The following CLPTM1L variants were observed in gnomAD, a reference collection of about 807,000 sequenced individuals.
The protein encoded by CLPTM1L is CLPTM1 like, also known as lipid scramblase CLPTM1L.
CLPTM1L carries 38 observed loss-of-function variants against 70.9 expected under a neutral mutation model. That is an observed-to-expected ratio of 0.54 (90% CI 0.41 to 0.70). CLPTM1L has a LOEUF of 0.70. CLPTM1L is among the 30% of genes least tolerant of loss of function. The pLI is 0.00. For synonymous variants in CLPTM1L, 339 were observed against 299.9 expected (o/e 1.13, Z -1.35); for missense variants, 652 against 705.9 (o/e 0.92, Z 0.87).
Position 1,324,816 on chromosome 5 carries a change from G to A in CLPTM1L, c.1147-3C>T, listed in dbSNP as rs1445669979. The A allele has an allele frequency of 6.2e-7, 1 of 1,613,568 alleles. No homozygotes were observed. The highest frequency in any genetic ancestry group is 2.2e-5 in the East Asian group (1 of 44,886). The stretch of plus-strand genomic sequence containing the variant: ...TCAGATTCGCTGTAAGTGCCAAACT[G>A]TTGTGAAATTCAACACAGTGATATT... On this transcript the variant is annotated splice_polypyrimidine_tract_variant and splice_region_variant and intron_variant, in intron 10 of 16. Coordinates refer to ENST00000320895, the MANE Select transcript of CLPTM1L (RefSeq NM_030782.5).
At chr5:1,338,384 G>C in intron 4 of CLPTM1L, 1 of 284,694 alleles carries the variant, frequency 3.5e-6, no homozygotes, top group Non-Finnish European at 6.6e-6. Flanking sequence ...AGCCACCTGG[G>C]AGGCGGAGCT....
chr5:1,338,366 T>A (rs774898899), intron 4 of CLPTM1L: 11 of 290,356 alleles, frequency 3.8e-5, no homozygotes, highest in Non-Finnish European at 7.2e-5. Context: ...GAAGGGCGAG[T>A]CACCTGCAGC....
rs1752337366 is a variant in CLPTM1L at position 1,323,835 on chromosome 5, A to G, written c.1232T>C (p.Leu411Pro). ...MKYLSYLLYPLCVGGAVYSLL... is the reference protein window; with the variant it reads ...MKYLSYLLYPPCVGGAVYSLL... ...TGAATAGACAGCACCCCCGACACAG[A>G]GAGGGTACAGCAGGTATGACAAGTA... Residue 411 changes from leucine to proline, a missense_variant, in exon 12 of 17, where the codon CTC becomes CCC. Around this residue, in one of 3 missense-constraint regions of CLPTM1L, gnomAD observed 240 missense variants for 295.0 expected, o/e 0.81. Transcript: ENST00000320895. 1 of 1,613,738 alleles carries G rather than the reference A, an allele frequency of 6.2e-7. No individual in the cohort carries two copies. Among genetic ancestry groups the G allele is most frequent in the African/African-American group, 1.3e-5 (1 of 74,922 alleles).
intron 7 of CLPTM1L, among the ~76,000 whole-genome samples, chr5:1,332,934 GC>G (rs758250417): frequency 5.5e-4 from 83 of 150,458 alleles, no homozygotes; most frequent in East Asian, 7.9e-4. Context: ...AGGATAAGGG[GC>G]GGACTACTGT....
At chr5:1,322,792 G>T in intron 13 of CLPTM1L, 85 bp downstream of exon 13, 2 of 1,396,498 alleles carry the variant, frequency 1.4e-6, no homozygotes, top group Non-Finnish European at 2.0e-6. Context: ...AGGGGGGCTT[G>T]CCACACTGGG....
chr5:1,325,032 G>A (rs565397382), intron 10 of CLPTM1L: 504 of 597,404 alleles, frequency 8.4e-4, no homozygotes, highest in Non-Finnish European at 1.4e-3. Context: ...AAGCCTGATG[G>A]GGGCAACGCG....
chr5:1,320,063 T>C (rs1026098752), intron 16 of CLPTM1L: 1 of 152,282 alleles, frequency 6.6e-6, no homozygotes, highest in Non-Finnish European at 1.5e-5. Flanking sequence ...CCTCTGCCTT[T>C]AGAAAATTCC....
intron 9 of CLPTM1L, among the ~76,000 whole-genome samples, chr5:1,328,740 T>TCATCCAGCTCCTCCTCTATAGACACATTC (rs1561237191): frequency 6.9e-6 from 1 of 145,366 alleles, no homozygotes; most frequent in African/African-American, 2.6e-5. Context: ...CAGACACATT[T>TCATCCAGCTCCTCCTCTATAGACACATTC]CATCCAGCTC....
chr5:1,320,676 G>C lies in CLPTM1L; in HGVS notation c.1472C>G (p.Ser491Cys). The C allele has an allele frequency of 6.5e-7, 1 of 1,548,768 alleles. No homozygotes were observed. The highest frequency in any genetic ancestry group is 8.7e-7 in the Non-Finnish European group (1 of 1,145,652). Reference sequence around the variant, plus strand: ...GTCCCGGAAGCAGGCCAGCCGGTGAGACGTGGGCATGGTGATGATGAAGGC... The same window carrying C: ...GTCCCGGAAGCAGGCCAGCCGGTGACACGTGGGCATGGTGATGATGAAGGC... The part of the protein sequence containing the change: ...VFAFIITMPT[S>C]HRLACFRDDV... The change falls in exon 16 of 17, where the codon TCT (serine) becomes TGT (cysteine). Residue 491 changes from serine (S) to cysteine (C), a missense_variant. Physicochemically the swap from Ser to Cys is moderately radical, Grantham distance 112. This residue lies in a region of CLPTM1L where 240 missense variants were observed against 295.0 expected (regional missense o/e 0.81). Coordinates refer to ENST00000320895, the MANE Select transcript of CLPTM1L (RefSeq NM_030782.5).
chr5:1,323,355 G>A (rs1167596838), intron 12 of CLPTM1L, among the ~76,000 whole-genome samples: 2 of 123,928 alleles, frequency 1.6e-5, no homozygotes, highest in South Asian at 2.5e-4. Context: ...TGGGGGCTCC[G>A]GGATCCCTCT....
chr5:1,323,056 C>T, intron 12 of CLPTM1L, 145 bp from the exon 13 acceptor site: 1 of 807,592 alleles, frequency 1.2e-6, no homozygotes. Context: ...AGCAGCAGTG[C>T]TGAGCCTGGT....
chr5:1,327,247 G>T (rs879191810), intron 9 of CLPTM1L, among the ~76,000 whole-genome samples: 6,538 of 39,806 alleles, frequency 0.16, no homozygotes, highest in Middle Eastern at 0.23. Flanking sequence ...GCTCCTCCTC[G>T]ACAGACACAT....
chr5:1,324,141 AC>A, intron 11 of CLPTM1L: 1 of 485,342 alleles, frequency 2.1e-6, no homozygotes, highest in East Asian at 3.1e-5. Context: ...AAACCAACCA[AC>A]CCACAACAGA....
chr5:1,330,172 A>G, intron 9 of CLPTM1L, 108 bp downstream of exon 9: 1 of 881,896 alleles, frequency 1.1e-6, no homozygotes, highest in Non-Finnish European at 1.9e-6. Context: ...ATCGGGAACA[A>G]GCACACAGGC....
chr5:1,328,852 C>A (rs1454588640), intron 9 of CLPTM1L, among the ~76,000 whole-genome samples: 10 of 151,384 alleles, frequency 6.6e-5, no homozygotes, highest in African/African-American at 2.4e-4. Context: ...TCTACAGACA[C>A]ATTTCATCCA....
chr5:1,325,832 A>T lies in CLPTM1L; in HGVS notation c.1081-16T>A, dbSNP rs1011304477. On this transcript the variant is annotated splice_polypyrimidine_tract_variant and intron_variant, in intron 9 of 16. Transcript: ENST00000320895. ...CTTTCCACAGCTGAGGGGAGAAATC[A>T]GGAAATAGTTCCTTTAATATTCGAA... 6.2e-7 allele frequency: 1 copy of T among 1,611,766 alleles called. No homozygotes were observed. Among genetic ancestry groups the T allele is most frequent in the African/African-American group, 1.3e-5 (1 of 74,882 alleles).
intron 3 of CLPTM1L, 112 bp from the exon 4 acceptor site, chr5:1,339,117 G>T: frequency 1.6e-6 from 2 of 1,267,118 alleles, no homozygotes; most frequent in Non-Finnish European, 2.2e-6. Flanking sequence ...GGCAAACTGT[G>T]CCCGGGACAG....
chr5:1,341,599 TGTGTGGAGAA>T (rs1753937321), intron 3 of CLPTM1L, 62 bp downstream of exon 3: 1 of 1,350,264 alleles, frequency 7.4e-7, no homozygotes, highest in Admixed American at 2.2e-5. Flanking sequence ...ATCGCCCACC[TGTGTGGAGAA>T]AGACATGTCC....
intron 9 of CLPTM1L, among the ~76,000 whole-genome samples, chr5:1,329,138 GC>G (rs1199068457): frequency 6.6e-6 from 1 of 152,258 alleles, no homozygotes; most frequent in Non-Finnish European, 1.5e-5. Flanking sequence ...TTAAGCCTGG[GC>G]CCTCTCACCC....
Sources: allele counts gnomAD v4.1 joint callset (sites outside exome capture counted in the v4.1 genomes callset), GRCh38; gene constraint gnomAD v4.1.1; regional missense constraint gnomAD v4.1.1; transcripts MANE v1.5; gene names NCBI Gene and HGNC (gene_info 2026-07-23, HGNC 2026-07-21).